CYP24A1: variants seen among roughly 807,000 people sequenced by gnomAD.
The protein encoded by CYP24A1 is cytochrome P450 family 24 subfamily A member 1.
A neutral mutation model predicts 62.4 loss-of-function variants in CYP24A1; 68 were observed. That is an observed-to-expected ratio of 1.09 (90% CI 0.90 to 1.33). The LOEUF (loss-of-function observed/expected upper bound fraction) is 1.33. Among genes scored for constraint, CYP24A1 ranks in the 40% most tolerant of loss-of-function variants. The probability of loss-of-function intolerance (pLI) is 0.00; values close to 1 mark genes in which losing one functional copy is unlikely to be tolerated. For missense variants in CYP24A1, 787 were observed against 653.0 expected, an observed-to-expected ratio of 1.21 and a Z score of -2.24; for synonymous variants, 267 against 253.0, an observed-to-expected ratio of 1.06 and a Z score of -0.52.
chr20:54,162,794 T>C lies in CYP24A1; in HGVS notation c.913A>G (p.Ile305Val), dbSNP rs756296470. 6.4e-7 allele frequency: 1 copy of C among 1,563,110 alleles called. No individual in the cohort carries two copies. The highest frequency in any genetic ancestry group is 1.1e-5 in the South Asian group (1 of 90,064). The part of the protein sequence containing the change: ...QQPSADFLCD[I>V]YHQNRLSKKE... ...TTTGAAAGCCGATTCTGGTGATAAA[T>C]GTCACAAAGGAAATCTGCACTAGGC... The change falls in exon 7 of 12, where the codon ATT becomes GTT. Residue 305 changes from isoleucine (I) to valine (V), a missense_variant. Physicochemically the swap from Ile to Val is conservative, Grantham distance 29. Transcript: ENST00000216862.
rs758491296 is a variant in CYP24A1 at position 54,162,779 on chromosome 20, G to A, written c.928C>T (p.Arg310Trp). Residue 310 changes from arginine to tryptophan, a missense_variant, in exon 7 of 12, where the codon CGG (arginine) becomes TGG (tryptophan). Coordinates refer to ENST00000216862, the MANE Select transcript of CYP24A1 (RefSeq NM_000782.5). ...GCATACAATTCTTTCTTTGAAAGCC[G>A]ATTCTGGTGATAAATGTCACAAAGG... Reference protein sequence around the residue: ...DFLCDIYHQNRLSKKELYAAV... With the variant: ...DFLCDIYHQNWLSKKELYAAV... The A allele has an allele frequency of 4.1e-5, 64 of 1,572,158 alleles. 1 individual carries two copies. In the Middle Eastern group the frequency reaches 5.0e-4, roughly 12 times the overall value.
At chr20:54,168,912 T>G (rs2092684074) in intron 4 of CYP24A1, among the ~76,000 whole-genome samples, 1 of 145,814 alleles carries the variant, frequency 6.9e-6, no homozygotes, top group Admixed American at 7.0e-5. Flanking sequence ...TCTCTCTCTT[T>G]CTTGAGACGG....
intron 7 of CYP24A1, among the ~76,000 whole-genome samples, chr20:54,162,010 T>C (rs1248400974): frequency 2.0e-5 from 3 of 152,182 alleles, no homozygotes; most frequent in African/African-American, 7.2e-5. Context: ...CAATTAAACC[T>C]ACCTGAATGC....
Position 54,154,953 on chromosome 20 carries a change from A to G in CYP24A1, c.*11-192T>C, listed in dbSNP as rs1298208448. On this transcript the variant is annotated intron_variant, in intron 11 of 11. Coordinates refer to ENST00000216862, the MANE Select transcript of CYP24A1 (RefSeq NM_000782.5). ...TTTGGTCTTGGTAAAAAAAAAAAAA[A>G]AAAAAAAAAAAAAAAAAAAAAAAAA... 4 of 30,442 alleles carry G rather than the reference A, an allele frequency of 1.3e-4. 1 individual carries two copies. Among genetic ancestry groups the G allele is most frequent in the African/African-American group, 5.7e-4 (2 of 3,504 alleles). 1.9% of individuals were successfully genotyped at this position (30,442 alleles called of 1,614,324 possible). A position where few individuals can be genotyped will look rare whatever the true frequency, so the allele number is the denominator to read the frequency against.
At chr20:54,143,697 G>A in the CYP24A1 span, among the ~76,000 whole-genome samples, 1 of 151,008 alleles carries the variant, frequency 6.6e-6, no homozygotes, top group Non-Finnish European at 1.5e-5. Flanking sequence ...GGATTAAAAA[G>A]AAGGATAAAC....
At chr20:54,145,074 CA>C in the CYP24A1 span, among the ~76,000 whole-genome samples, 2 of 151,982 alleles carry the variant, frequency 1.3e-5, no homozygotes, top group Admixed American at 6.6e-5. Flanking sequence ...CTGTTTCCAG[CA>C]AAAAGTATGC....
At chr20:54,145,011 G>T in the CYP24A1 span, among the ~76,000 whole-genome samples, 1 of 133,490 alleles carries the variant, frequency 7.5e-6, no homozygotes, top group African/African-American at 2.9e-5. Flanking sequence ...GACCCTTACA[G>T]TTGAGAATTG....
chr20:54,150,721 T>TTAAGTTAACTTAAGG (rs2092611287), downstream of CYP24A1, among the ~76,000 whole-genome samples: 3 of 152,230 alleles, frequency 2.0e-5, no homozygotes, highest in African/African-American at 7.2e-5. Context: ...TTACTTAACC[T>TTAAGTTAACTTAAGG]CTCTGAGCCT....
chr20:54,166,913 C>T (rs1255798363), intron 4 of CYP24A1, among the ~76,000 whole-genome samples: 1 of 152,064 alleles, frequency 6.6e-6, no homozygotes, highest in East Asian at 1.9e-4. Context: ...GCTACATGTG[C>T]CTGTAGTTCC....
rs773181675 is a variant in CYP24A1 at position 54,157,211 on chromosome 20, G to A, written c.1513C>T (p.Arg505Trp). The A allele has an allele frequency of 1.3e-4, 203 of 1,611,528 alleles. No individual in the cohort carries two copies. The highest frequency in any genetic ancestry group is 1.6e-4 in the Non-Finnish European group (191 of 1,177,892). Residue 505 changes from arginine to tryptophan, a missense_variant, in exon 11 of 12, where the codon CGG becomes TGG. Arg to Trp is a moderately radical substitution (Grantham distance 101). Coordinates refer to ENST00000216862, the MANE Select transcript of CYP24A1 (RefSeq NM_000782.5). ...MLHSGTLVPS[R>W]ELPIAFCQR ...TGGCAAAACGCGATGGGGAGTTCCC[G>A]GCTGGGCACCAGGGTGCCTGAGTGT...
At chr20:54,164,083 C>T (rs1257214651) in intron 6 of CYP24A1, among the ~76,000 whole-genome samples, 1 of 151,994 alleles carries the variant, frequency 6.6e-6, no homozygotes. Context: ...TTACAGGTGC[C>T]CACCACCACG....
chr20:54,156,523 C>T (rs576538508), intron 11 of CYP24A1, among the ~76,000 whole-genome samples: 18 of 152,288 alleles, frequency 1.2e-4, no homozygotes, highest in Admixed American at 9.8e-4. Flanking sequence ...CCATGAAGAA[C>T]TAAATTCTGC....
At position 54,171,442 on chromosome 20, in the gene CYP24A1, G is replaced by A. The variant is rs73913754; in HGVS notation, c.543+135C>T. On this transcript the variant is annotated intron_variant, in intron 3 of 11. Transcript: ENST00000216862. Reference sequence around the variant, plus strand: ...AGGAGGCTGTAGGAAGGAATGGAGAGAAAGAGAAGACCCCCACTTTGAATC... The same window carrying A: ...AGGAGGCTGTAGGAAGGAATGGAGAAAAAGAGAAGACCCCCACTTTGAATC... 3.0e-4 allele frequency: 467 copies of A among 1,556,618 alleles called. No homozygotes were observed. The African/African-American group carries it at 5.5e-3, about 18-fold the overall frequency.
At chr20:54,145,209 C>T in the CYP24A1 span, among the ~76,000 whole-genome samples, 1 of 150,704 alleles carries the variant, frequency 6.6e-6, no homozygotes, top group African/African-American at 2.4e-5. Context: ...CGCTAGTGAA[C>T]CTTGGAAAGA....
chr20:54,148,104 G>A, the CYP24A1 span, among the ~76,000 whole-genome samples: 1 of 152,136 alleles, frequency 6.6e-6, no homozygotes, highest in Non-Finnish European at 1.5e-5. Flanking sequence ...CCAAATTGCT[G>A]GGATTTCAGG....
chr20:54,164,521 G>A lies in CYP24A1; in HGVS notation c.775C>T (p.Leu259=), dbSNP rs779721022. 38 of 1,614,046 alleles carry A rather than the reference G, an allele frequency of 2.4e-5. No individual in the cohort carries two copies. Among genetic ancestry groups the A allele is most frequent in the Non-Finnish European group, 3.2e-5 (38 of 1,180,026 alleles). ...ACCTTGGTGTTGAGGCTCTTGTGCA[G>A]CTCGACTGGAGTGACCATCATCCTC... ...FGRMMVTPVE[L]HKSLNTKVWQ... is the part of the protein sequence containing the mutation. The change falls in exon 6 of 12, where the codon CTG becomes TTG. Residue 259 remains leucine (L), a synonymous_variant. Coordinates refer to ENST00000216862, the MANE Select transcript of CYP24A1 (RefSeq NM_000782.5).
At position 54,162,839 on chromosome 20, in the gene CYP24A1, A is replaced by G; in HGVS notation, c.868T>C (p.Leu290=). Residue 290 remains leucine, a synonymous_variant, in exon 7 of 12, where the codon TTA becomes CTA. Transcript: ENST00000216862. ...KSVKACIDNR[L]EKYSQQPSAD... is the part of the protein sequence containing the mutation. ...CTAGGCTGCTGAGAATACTTCTCTAACCGGTTGTCGATACAAGCTTTGACT... is the reference window on the plus strand; with the variant it reads ...CTAGGCTGCTGAGAATACTTCTCTAGCCGGTTGTCGATACAAGCTTTGACT... 6.3e-7 allele frequency: 1 copy of G among 1,576,670 alleles called. No individual in the cohort carries two copies. The highest frequency in any genetic ancestry group is 8.7e-7 in the Non-Finnish European group (1 of 1,146,016).
chr20:54,144,008 C>A, the CYP24A1 span, among the ~76,000 whole-genome samples: 5 of 152,090 alleles, frequency 3.3e-5, no homozygotes, highest in Non-Finnish European at 1.5e-5. Flanking sequence ...AGAAGAAAAT[C>A]TAAATAAACC....
the CYP24A1 span, among the ~76,000 whole-genome samples, chr20:54,147,907 C>T: frequency 6.6e-6 from 1 of 152,048 alleles, no homozygotes; most frequent in Non-Finnish European, 1.5e-5. Context: ...GATCTTGGCT[C>T]ACTGCAACCT....
Sources: allele counts gnomAD v4.1 joint callset (sites outside exome capture counted in the v4.1 genomes callset), GRCh38; gene constraint gnomAD v4.1.1; transcripts MANE v1.5; gene names NCBI Gene and HGNC (gene_info 2026-07-23, HGNC 2026-07-21).